The following STK24 variants were observed in gnomAD, a reference collection of about 807,000 sequenced individuals.
The protein encoded by STK24 is serine/threonine-protein kinase 24.
In STK24, 21 loss-of-function variants were observed where a neutral mutation model predicts 55.6. The ratio of observed to expected loss-of-function variants is 0.38; its 90% CI spans 0.27 to 0.54. The LOEUF is 0.54. STK24 is among the 20% of genes least tolerant of loss of function. The pLI, the probability that STK24 is intolerant of heterozygous loss-of-function variation, is 0.79. For missense variants in STK24, 383 were observed against 538.4 expected (o/e 0.71, Z 2.86); for synonymous variants, 200 against 215.2 (o/e 0.93, Z 0.62).
chr13:98,495,845 T>G lies in STK24; in HGVS notation c.274-13524A>C, dbSNP rs142669321. Among the ~76,000 whole-genome samples the G allele has an allele frequency of 1.5e-3, 229 of 152,352 alleles. 1 individual carries two copies. The highest frequency in any genetic ancestry group is 5.2e-3 in the African/African-American group (217 of 41,576). On this transcript the variant is annotated intron_variant, in intron 2 of 10. Transcript: ENST00000539966. Reference sequence around the variant, plus strand: ...ATTTGTTTCGTCGTTGCTGATGTGTTTAGTCCACCCAAAAGCAAACAGCTT... The same window carrying G: ...ATTTGTTTCGTCGTTGCTGATGTGTGTAGTCCACCCAAAAGCAAACAGCTT...
intron 5 of STK24, among the ~76,000 whole-genome samples, chr13:98,472,578 T>C (rs1417924886): frequency 1.3e-5 from 2 of 152,202 alleles, no homozygotes; most frequent in Non-Finnish European, 2.9e-5. Flanking sequence ...GTGATCACAG[T>C]TGTATTCACA....
At position 98,446,542 on chromosome 13, in the gene STK24, C is replaced by A; in HGVS notation, c.*6631G>T. 1 of 994,200 alleles carries A rather than the reference C, an allele frequency of 1.0e-6. No individual in the cohort carries two copies. Among genetic ancestry groups the A allele is most frequent in the South Asian group, 1.5e-5 (1 of 67,814 alleles). 61.6% of individuals were successfully genotyped at this position (994,200 alleles called of 1,614,324 possible). ...AAACACTGGCTGCCATGGTCCCTTC[C>A]AGGCCCACGCCCGAGGAGGGAGCTG... On this transcript the variant is annotated 3_prime_UTR_variant, in exon 11 of 11. Coordinates refer to ENST00000539966, the MANE Select transcript of STK24 (RefSeq NM_001032296.4).
chr13:98,532,648 C>T (rs1896611477), intron 1 of STK24, among the ~76,000 whole-genome samples: 1 of 152,216 alleles, frequency 6.6e-6, no homozygotes, highest in Admixed American at 6.5e-5. Flanking sequence ...CTATCTTTAG[C>T]AAATGGCTCC....
intron 2 of STK24, among the ~76,000 whole-genome samples, chr13:98,484,439 G>A (rs1377634835): frequency 1.3e-5 from 2 of 152,184 alleles, no homozygotes; most frequent in African/African-American, 2.4e-5. Flanking sequence ...GCTCCCAGCA[G>A]GGAGGTAATC....
chr13:98,456,655 G>A (rs1209370960), intron 10 of STK24: 3 of 430,022 alleles, frequency 7.0e-6, no homozygotes, highest in African/African-American at 2.0e-5. Flanking sequence ...ACTGGGCAGG[G>A]ACAAAAGCTC....
At chr13:98,499,017 C>G (rs1895347853) in intron 2 of STK24, among the ~76,000 whole-genome samples, 1 of 151,978 alleles carries the variant, frequency 6.6e-6, no homozygotes, top group Admixed American at 6.5e-5. Flanking sequence ...GAGGCTGAAG[C>G]GGGTGGATCA....
rs1261927126 is a variant in STK24 at position 98,448,161 on chromosome 13, T to C, written c.*5012A>G. 22 of 1,280,254 alleles carry C rather than the reference T, an allele frequency of 1.7e-5. No homozygotes were observed. Among genetic ancestry groups the C allele is most frequent in the Non-Finnish European group, 2.3e-5 (20 of 877,840 alleles). 79.3% of individuals were successfully genotyped at this position (1,280,254 alleles called of 1,614,324 possible). A position where few individuals can be genotyped will look rare whatever the true frequency, so the allele number is the denominator to read the frequency against. On this transcript the variant is annotated 3_prime_UTR_variant, in exon 11 of 11. Transcript: ENST00000539966. ...GCGGCCTGACTTCACCTTGTGTTTC[T>C]GTAAGCGATGCCCACCAAAGTGTCA...
intron 1 of STK24, among the ~76,000 whole-genome samples, chr13:98,571,289 A>G (rs1897732319): frequency 6.6e-6 from 1 of 152,166 alleles, no homozygotes; most frequent in Non-Finnish European, 1.5e-5. Flanking sequence ...CCTGCACCAC[A>G]TTAGGCAGCT....
At chr13:98,573,470 A>AT (rs200679716) in intron 1 of STK24, among the ~76,000 whole-genome samples, 24 of 152,250 alleles carry the variant, frequency 1.6e-4, no homozygotes, top group Admixed American at 2.6e-4. Context: ...TCTGATGTCT[A>AT]TTTTTTTCCC....
At chr13:98,494,980 T>C (rs1022894025) in intron 2 of STK24, among the ~76,000 whole-genome samples, 1 of 152,202 alleles carries the variant, frequency 6.6e-6, no homozygotes, top group Admixed American at 6.5e-5. Context: ...GATGACCCTG[T>C]GGCAGCACAT....
At chr13:98,539,796 A>G (rs2139417754) in intron 1 of STK24, among the ~76,000 whole-genome samples, 1 of 152,310 alleles carries the variant, frequency 6.6e-6, no homozygotes, top group Middle Eastern at 3.4e-3. Flanking sequence ...GTTAAGCATA[A>G]AACTACCATA....
At chr13:98,478,232 C>G (rs1320170723) in intron 3 of STK24, among the ~76,000 whole-genome samples, 1 of 152,210 alleles carries the variant, frequency 6.6e-6, no homozygotes, top group African/African-American at 2.4e-5. Flanking sequence ...AGGAAAAAAA[C>G]CTAGACCACA....
chr13:98,560,496 A>T (rs1276657556), intron 1 of STK24, among the ~76,000 whole-genome samples: 1 of 152,204 alleles, frequency 6.6e-6, no homozygotes, highest in African/African-American at 2.4e-5. Context: ...CTAAATCAAC[A>T]GGCTGAAAAG....
chr13:98,520,088 G>C (rs1189592170), intron 1 of STK24, among the ~76,000 whole-genome samples: 1 of 152,162 alleles, frequency 6.6e-6, no homozygotes, highest in Non-Finnish European at 1.5e-5. Context: ...TTAACCACCT[G>C]ATTAGTTACA....
intron 1 of STK24, among the ~76,000 whole-genome samples, chr13:98,556,855 C>A (rs1897300776): frequency 6.6e-6 from 1 of 152,180 alleles, no homozygotes; most frequent in African/African-American, 2.4e-5. Context: ...GATGCAGGGT[C>A]AAAATGATGT....
chr13:98,461,744 G>C (rs1169847059), intron 8 of STK24, 30 bp downstream of exon 8: 3 of 1,609,770 alleles, frequency 1.9e-6, no homozygotes, highest in South Asian at 2.2e-5. Context: ...ACTGAGGTCA[G>C]CGTGGCCATT....
At chr13:98,521,933 T>G in intron 1 of STK24, 1 of 1,183,510 alleles carries the variant, frequency 8.4e-7, no homozygotes. Flanking sequence ...GCTGGCTCTC[T>G]GCCCTTGGCA....
intron 5 of STK24, among the ~76,000 whole-genome samples, chr13:98,472,236 G>A (rs994595907): frequency 4.6e-5 from 7 of 152,194 alleles, no homozygotes; most frequent in East Asian, 1.9e-4. Context: ...AGACACAGAC[G>A]TGACCCTCAT....
intron 1 of STK24, among the ~76,000 whole-genome samples, chr13:98,559,774 A>G (rs1209575531): frequency 6.6e-6 from 1 of 152,184 alleles, no homozygotes; most frequent in African/African-American, 2.4e-5. Context: ...TGAAAATCTG[A>G]ACAAAGAGAA....
Sources: allele counts gnomAD v4.1 joint callset (sites outside exome capture counted in the v4.1 genomes callset), GRCh38; gene constraint gnomAD v4.1.1; transcripts MANE v1.5; gene names NCBI Gene and HGNC (gene_info 2026-07-23, HGNC 2026-07-21).